Variants in BAHCC1 observed in about 807,000 individuals in gnomAD.
The protein encoded by BAHCC1 is BAH domain and coiled-coil containing 1.
Under a neutral mutation model 88.2 loss-of-function variants are expected in BAHCC1, and 43 were observed. That is an observed-to-expected ratio of 0.49 (90% CI 0.38 to 0.63). The LOEUF is 0.63. BAHCC1 is among the 20% of genes least tolerant of loss of function. The pLI is 0.00. For missense variants in BAHCC1, 3,023 were observed against 1,654.8 expected (o/e 1.83, Z -14.34); for synonymous variants, 1,510 against 745.5 (o/e 2.03, Z -16.71).
chr17:81,451,243 C>T (rs2064628199), intron 11 of BAHCC1: 1 of 177,320 alleles, frequency 5.6e-6, no homozygotes, highest in African/African-American at 2.4e-5. Context: ...CACGAGGCCT[C>T]AGTGGGCTCT....
intron 2 of BAHCC1, among the ~76,000 whole-genome samples, chr17:81,418,810 C>CGTGTGG (rs2064074623): frequency 6.8e-6 from 1 of 146,332 alleles, no homozygotes; most frequent in East Asian, 2.0e-4. Flanking sequence ...TGTGTGTGTA[C>CGTGTGG]GTGTGTGTGT....
intron 18 of BAHCC1, 56 bp from the exon 19 acceptor site, chr17:81,458,565 C>G: frequency 1.5e-6 from 1 of 684,210 alleles, no homozygotes; most frequent in East Asian, 2.7e-5. Flanking sequence ...AGCTCTGGGT[C>G]AACCTGAGGC....
At chr17:81,446,976 C>A in intron 10 of BAHCC1, 60 bp from the exon 11 acceptor site, 1 of 769,544 alleles carries the variant, frequency 1.3e-6, no homozygotes, top group Non-Finnish European at 2.4e-6. Context: ...TCCGTCCTAT[C>A]GCAGGACACC....
In BAHCC1 at chr17:81,458,400, C is replaced by A; in HGVS notation, c.5277C>A (p.Ser1759Arg). 1 of 742,396 alleles carries A rather than the reference C, an allele frequency of 1.3e-6. No homozygotes were observed. The highest frequency in any genetic ancestry group is 2.5e-5 in the East Asian group (1 of 39,636). The allele number at this position is 742,396 out of a possible 1,614,324, so 46.0% of individuals were successfully genotyped here. Reference protein sequence around the residue: ...SRAFACREEGSQLASERLKRA... With the variant: ...SRAFACREEGRQLASERLKRA... ...CCTTCGCCTGCCGTGAGGAGGGCAG[C>A]CAGCTGGCCAGTGAGCGCCTCAAGA... Residue 1759 changes from serine to arginine, a missense_variant, in exon 18 of 28, where the codon AGC becomes AGA. Ser to Arg is a moderately radical substitution (Grantham distance 110). Coordinates refer to ENST00000675386, the MANE Select transcript of BAHCC1 (RefSeq NM_001377448.1).
Position 81,459,239 on chromosome 17 carries a change from C to T in BAHCC1, c.5721-14C>T, listed in dbSNP as rs781796327. 2 of 778,238 alleles carry T rather than the reference C, an allele frequency of 2.6e-6. No homozygotes were observed. Among genetic ancestry groups the T allele is most frequent in the Non-Finnish European group, 4.8e-6 (2 of 417,172 alleles). 48.2% of individuals were successfully genotyped at this position (778,238 alleles called of 1,614,324 possible). On this transcript the variant is annotated splice_polypyrimidine_tract_variant and intron_variant, in intron 21 of 27. Transcript: ENST00000675386. ...CCGAGACCCGTGGCACCTCACATTC[C>T]CCAATGCCCCCAGCTATAGCATCGT...
chr17:81,422,848 A>AGGCCTGGGGGACTCGAGGCG, intron 2 of BAHCC1: 1 of 383,306 alleles, frequency 2.6e-6, no homozygotes, highest in Non-Finnish European at 5.1e-6. Flanking sequence ...GGGGGTGGGA[A>AGGCCTGGGGGACTCGAGGCG]GGCCTGGGGG....
rs1568035547 is a variant in BAHCC1 at position 81,458,810 on chromosome 17, C to CAGGGCA, written c.5452_5457dup. On this transcript the variant is annotated splice_polypyrimidine_tract_variant and splice_region_variant and intron_variant, in intron 19 of 27. Coordinates refer to ENST00000675386, the MANE Select transcript of BAHCC1 (RefSeq NM_001377448.1). ...ACCCAAGCCTGACTCCTCTGGCCCC[C>CAGGGCA]AGGGCAAGGGCCGGGCCGTGAGCCG... is the stretch of plus-strand genomic sequence containing the variant. 3.9e-6 allele frequency: 3 copies of CAGGGCA among 763,386 alleles called. No individual in the cohort carries two copies. Among genetic ancestry groups the CAGGGCA allele is most frequent in the East Asian group, 4.9e-5 (2 of 40,816 alleles). 47.3% of individuals were successfully genotyped at this position (763,386 alleles called of 1,614,324 possible).
Position 81,399,111 on chromosome 17 carries a change from G to A in BAHCC1, c.-206-423G>A. ...GACACCTTTGGGCAGCGGGGGAGGG[G>A]AGAGGGTGTGCGTGTGAGTGTGTGT... On this transcript the variant is annotated intron_variant, in intron 1 of 27. Coordinates refer to ENST00000675386, the MANE Select transcript of BAHCC1 (RefSeq NM_001377448.1). This position sits in a 1 kb window ranked among gnomAD's most constrained non-coding sequence, Gnocchi z 4.5. The A allele has an allele frequency of 4.2e-6, 1 of 238,528 alleles. No individual in the cohort carries two copies. The highest frequency in any genetic ancestry group is 4.5e-5 in the Admixed American group (1 of 22,100). 14.8% of individuals were successfully genotyped at this position (238,528 alleles called of 1,614,324 possible).
At chr17:81,430,027 T>C (rs921648427) in intron 3 of BAHCC1, among the ~76,000 whole-genome samples, 21,510 of 152,180 alleles carry the variant, frequency 0.14, 2,271 homozygotes, top group African/African-American at 0.3. Flanking sequence ...GCCCGCAGCT[T>C]ACCCGAGGCT....
rs1177757627 is a variant in BAHCC1 at position 81,401,542 on chromosome 17, G to A, written c.178+1625G>A. 3.9e-5 allele frequency: 6 copies of A among 152,620 alleles called. No individual in the cohort carries two copies. In the East Asian group the frequency reaches 1.2e-3, roughly 29 times the overall value. 9.5% of individuals were successfully genotyped at this position (152,620 alleles called of 1,614,324 possible). A position where few individuals can be genotyped will look rare whatever the true frequency, so the allele number is the denominator to read the frequency against. On this transcript the variant is annotated intron_variant, in intron 2 of 27. Coordinates refer to ENST00000675386, the MANE Select transcript of BAHCC1 (RefSeq NM_001377448.1). ...CCTGCATGGGAGCTGCTGCCCACCC[G>A]GCTCAGGTGCACGGGGCGCTGAGGC...
chr17:81,462,617 G>C (rs2030399167), intron 26 of BAHCC1, 123 bp from the exon 27 acceptor site: 3 of 616,668 alleles, frequency 4.9e-6, no homozygotes, highest in East Asian at 5.4e-5. Context: ...CCTTGTGGGC[G>C]CCCTGCACAC....
intron 27 of BAHCC1, among the ~76,000 whole-genome samples, chr17:81,463,185 T>G (rs1383184959): frequency 1.3e-5 from 2 of 152,138 alleles, no homozygotes; most frequent in Non-Finnish European, 2.9e-5. Flanking sequence ...TGGGGGGCTG[T>G]GGCCCACAGC....
chr17:81,417,558 C>CCT lies in BAHCC1; in HGVS notation c.179-9241_179-9240insTC, dbSNP rs782343129. Reference sequence around the variant, plus strand: ...GACGCCATGGGGAGCGTCGGCCACCCCCCCCCCGCCCTAGCCAAAGGGCTA... The same window carrying CCT: ...GACGCCATGGGGAGCGTCGGCCACCCCTCCCCCCCGCCCTAGCCAAAGGGCTA... On this transcript the variant is annotated intron_variant, in intron 2 of 27. Coordinates refer to ENST00000675386, the MANE Select transcript of BAHCC1 (RefSeq NM_001377448.1). Among the ~76,000 whole-genome samples the CCT allele has an allele frequency of 2.3e-4, 14 of 61,358 alleles. 1 individual carries two copies. In the East Asian group the frequency reaches 9.7e-3, roughly 43 times the overall value. The allele number at this position is 61,358 out of a possible 152,430, so 40.3% of individuals were successfully genotyped here. A position where few individuals can be genotyped will look rare whatever the true frequency, so the allele number is the denominator to read the frequency against.
chr17:81,413,320 G>A (rs1375531379), intron 2 of BAHCC1, among the ~76,000 whole-genome samples: 1 of 152,174 alleles, frequency 6.6e-6, no homozygotes, highest in East Asian at 1.9e-4. Context: ...TTGGCCAAGC[G>A]TAAGCCCCGG....
Position 81,451,737 on chromosome 17 carries a change from TG to T in BAHCC1, c.4048del (p.Glu1350ArgfsTer48). On this transcript the variant is annotated frameshift_variant, in exon 12 of 28. Transcript: ENST00000675386. LOFTEE classifies it high-confidence loss of function. ...ACGCTGGCCACAGCCTGGTCCCTGG[TG>T]GAGGCCGCTGGCCTGGACAGCTCCA... ...LATLATAWSL[V>X]EAAGLDSSTA... 1.3e-6 allele frequency: 1 copy of T among 775,354 alleles called. No individual in the cohort carries two copies. 48.0% of individuals were successfully genotyped at this position (775,354 alleles called of 1,614,324 possible). A position where few individuals can be genotyped will look rare whatever the true frequency, so the allele number is the denominator to read the frequency against.
rs368592725 is a variant in BAHCC1 at position 81,451,965 on chromosome 17, C to CCCA, written c.4180-6_4180-5insCCA. ...GGCTCACAGGCCCCTGTGCCCCCCC[C>CCCA]ACCAGGTGTGCCCCCTGAAGGCCGC... On this transcript the variant is annotated splice_polypyrimidine_tract_variant and splice_region_variant and intron_variant, in intron 12 of 27. Coordinates refer to ENST00000675386, the MANE Select transcript of BAHCC1 (RefSeq NM_001377448.1). 9.6e-6 allele frequency: 6 copies of CCCA among 623,524 alleles called. No homozygotes were observed. Among genetic ancestry groups the CCCA allele is most frequent in the African/African-American group, 9.3e-5 (5 of 54,028 alleles). The allele number at this position is 623,524 out of a possible 1,614,324, so 38.6% of individuals were successfully genotyped here.
At position 81,424,994 on chromosome 17, in the gene BAHCC1, A is replaced by T. The variant is rs550548206; in HGVS notation, c.179-1806A>T. On this transcript the variant is annotated intron_variant, in intron 2 of 27. Coordinates refer to ENST00000675386, the MANE Select transcript of BAHCC1 (RefSeq NM_001377448.1). ...GGTTGGTGTGATGTGGTTGGTGGTG[A>T]TAGTGATGGGTGATGTGGTTGGTGA... 4.8e-5 allele frequency among the ~76,000 whole-genome samples: 6 copies of T among 125,902 alleles called. No individual in the cohort carries two copies. The East Asian group carries it at 1.7e-3, about 35-fold the overall frequency. 82.6% of individuals were successfully genotyped at this position (125,902 alleles called of 152,430 possible). A position where few individuals can be genotyped will look rare whatever the true frequency, so the allele number is the denominator to read the frequency against.
chr17:81,402,329 A>C (rs1230461095), intron 2 of BAHCC1: 1 of 152,222 alleles, frequency 6.6e-6, no homozygotes, highest in Non-Finnish European at 1.5e-5. Flanking sequence ...TAAGAGCCAG[A>C]ATATTGTATT....
In BAHCC1 at chr17:81,460,574, A is replaced by G; in HGVS notation, c.6070A>G (p.Arg2024Gly). ...CCTGCTAGTGTCTAGCAGCTGCCGG[A>G]GGACCAAGAAGGTATCCAGTGAGGC... The part of the protein sequence containing the change: ...PALLVSSSCR[R>G]TKKVSSEAPP... The change falls in exon 25 of 28, where the codon AGG (arginine) becomes GGG (glycine). Residue 2024 changes from arginine (R) to glycine (G), a missense_variant. Arg to Gly is a moderately radical substitution (Grantham distance 125). Coordinates refer to ENST00000675386, the MANE Select transcript of BAHCC1 (RefSeq NM_001377448.1). 1 of 767,990 alleles carries G rather than the reference A, an allele frequency of 1.3e-6. No homozygotes were observed. Among genetic ancestry groups the G allele is most frequent in the Non-Finnish European group, 2.4e-6 (1 of 412,438 alleles). The allele number at this position is 767,990 out of a possible 1,614,324, so 47.6% of individuals were successfully genotyped here.
Sources: allele counts gnomAD v4.1 joint callset (sites outside exome capture counted in the v4.1 genomes callset), GRCh38; gene constraint gnomAD v4.1.1; non-coding constraint Gnocchi (gnomAD v3.1); transcripts MANE v1.5; gene names NCBI Gene and HGNC (gene_info 2026-07-23, HGNC 2026-07-21).